Variants in MDGA1 observed in about 807,000 individuals in gnomAD.
MDGA1 encodes the protein MAM domain-containing glycosylphosphatidylinositol anchor protein 1.
Under a neutral mutation model 101.5 loss-of-function variants are expected in MDGA1, and 54 were observed. The observed-to-expected ratio is 0.53, with a 90% CI of 0.43 to 0.67. The LOEUF (loss-of-function observed/expected upper bound fraction) is 0.67, where lower values mean the gene tolerates loss of function less well. Ranked by LOEUF, MDGA1 falls within the 30% of genes least tolerant of loss-of-function variation. The pLI is 0.00. For synonymous variants in MDGA1, 533 were observed against 558.3 expected (o/e 0.95, Z 0.64); for missense variants, 1,083 against 1,323.8 (o/e 0.82, Z 2.82).
intron 1 of MDGA1, among the ~76,000 whole-genome samples, chr6:37,670,219 G>T (rs1185473897): frequency 1.3e-5 from 2 of 152,212 alleles, no homozygotes; most frequent in Non-Finnish European, 2.9e-5. Flanking sequence ...AATAGTATGT[G>T]CTGTCTCCAT....
rs140407775 is a variant in MDGA1 at position 37,661,813 on chromosome 6, A to G, written c.207+2154T>C. Among the ~76,000 whole-genome samples the G allele has an allele frequency of 2.6e-3, 401 of 152,208 alleles. 5 individuals are homozygous for G. The highest frequency in any genetic ancestry group is 5.1e-4 in the Non-Finnish European group (35 of 67,994). On this transcript the variant is annotated intron_variant, in intron 2 of 16. Transcript: ENST00000434837. The stretch of plus-strand genomic sequence containing the variant: ...GAACATCTCTGAGCAGGGGAGTGAT[A>G]TGATGTAGCACAACAGGGGTTATCA...
chr6:37,681,036 A>T (rs9394450), intron 1 of MDGA1, among the ~76,000 whole-genome samples: 1 of 151,370 alleles, frequency 6.6e-6, no homozygotes, highest in African/African-American at 2.4e-5. Flanking sequence ...CCAGCTGCCA[A>T]CCCGGCTGGC....
intron 1 of MDGA1, among the ~76,000 whole-genome samples, chr6:37,687,638 T>G (rs537026940): frequency 1.3e-5 from 2 of 152,244 alleles, no homozygotes; most frequent in Admixed American, 1.3e-4. Flanking sequence ...TTTCACTTTC[T>G]TTGGTTTTTT....
At chr6:37,651,327 C>T (rs544134745) in intron 7 of MDGA1, among the ~76,000 whole-genome samples, 3 of 152,206 alleles carry the variant, frequency 2.0e-5, no homozygotes, top group Non-Finnish European at 4.4e-5. Flanking sequence ...TCCCATTGCA[C>T]ATTACATCAA....
intron 1 of MDGA1, among the ~76,000 whole-genome samples, chr6:37,665,393 G>A (rs1348903988): frequency 6.6e-6 from 1 of 152,138 alleles, no homozygotes; most frequent in Non-Finnish European, 1.5e-5. Flanking sequence ...TAAGAGTGAT[G>A]GAACCGACTC....
intron 1 of MDGA1, among the ~76,000 whole-genome samples, chr6:37,672,853 G>A (rs956041182): frequency 2.6e-5 from 4 of 152,132 alleles, no homozygotes; most frequent in Non-Finnish European, 5.9e-5. Context: ...AGCTGAATAA[G>A]AACGATGCTT....
intron 10 of MDGA1, 72 bp downstream of exon 10, chr6:37,647,101 T>A: frequency 7.1e-7 from 1 of 1,409,060 alleles, no homozygotes; most frequent in African/African-American, 1.4e-5. Flanking sequence ...TCCTCTGGCC[T>A]TGATGAGCAT....
chr6:37,656,377 CTTT>C (rs11396920), intron 3 of MDGA1, among the ~76,000 whole-genome samples: 1 of 142,772 alleles, frequency 7.0e-6, no homozygotes. Flanking sequence ...CGCCCGGACT[CTTT>C]TTTTTTTTTT....
chr6:37,660,681 T>A (rs1292093084), intron 2 of MDGA1, among the ~76,000 whole-genome samples: 2 of 152,232 alleles, frequency 1.3e-5, no homozygotes, highest in African/African-American at 2.4e-5. Flanking sequence ...TTAATTTTTT[T>A]AAATTTTGAA....
rs1372094660 is a variant in MDGA1 at position 37,697,435 on chromosome 6, G to A, written c.-624C>T. 1.3e-5 allele frequency: 2 copies of A among 152,082 alleles called. No homozygotes were observed. Among genetic ancestry groups the A allele is most frequent in the African/African-American group, 2.4e-5 (1 of 41,418 alleles). 9.4% of individuals were successfully genotyped at this position (152,082 alleles called of 1,614,324 possible). On this transcript the variant is annotated 5_prime_UTR_variant, in exon 1 of 17. Transcript: ENST00000434837. ...CGCGGGCTGGGTTCGGCCGAGGGAC[G>A]AGCGCCGCGGGTCCCCGGGTCCGTG...
chr6:37,672,430 C>A (rs1171582307), intron 1 of MDGA1, among the ~76,000 whole-genome samples: 1 of 152,174 alleles, frequency 6.6e-6, no homozygotes, highest in Admixed American at 6.5e-5. Context: ...CAGAGCAAGA[C>A]CCCTATCAAA....
chr6:37,675,809 G>A (rs2114079112), intron 1 of MDGA1, among the ~76,000 whole-genome samples: 1 of 152,276 alleles, frequency 6.6e-6, no homozygotes, highest in Middle Eastern at 3.4e-3. Context: ...ACCAAGCTCT[G>A]CTGGTCTTGG....
At chr6:37,677,656 T>C (rs989402567) in intron 1 of MDGA1, among the ~76,000 whole-genome samples, 1 of 149,174 alleles carries the variant, frequency 6.7e-6, no homozygotes, top group African/African-American at 2.5e-5. Flanking sequence ...ATGGTTAATG[T>C]TTGATGGTCA....
Position 37,697,027 on chromosome 6 carries a change from G to C in MDGA1, c.-216C>G, listed in dbSNP as rs1375126718. 5.7e-6 allele frequency: 3 copies of C among 525,534 alleles called. No individual in the cohort carries two copies. Among genetic ancestry groups the C allele is most frequent in the Non-Finnish European group, 1.0e-5 (3 of 298,484 alleles). 32.6% of individuals were successfully genotyped at this position (525,534 alleles called of 1,614,324 possible). A position where few individuals can be genotyped will look rare whatever the true frequency, so the allele number is the denominator to read the frequency against. Reference sequence around the variant, plus strand: ...CGCTGCCCGCGTGGGGACGCAGGGGGCGCTGGCCCAGCCCCGGGTGCCTCG... The same window carrying C: ...CGCTGCCCGCGTGGGGACGCAGGGGCCGCTGGCCCAGCCCCGGGTGCCTCG... On this transcript the variant is annotated 5_prime_UTR_variant, in exon 1 of 17. Coordinates refer to ENST00000434837, the MANE Select transcript of MDGA1 (RefSeq NM_153487.4).
At chr6:37,647,424 C>A in intron 9 of MDGA1, 100 bp from the exon 10 acceptor site, 1 of 700,618 alleles carries the variant, frequency 1.4e-6, no homozygotes, top group Non-Finnish European at 2.3e-6. Flanking sequence ...AGGTGGAAAA[C>A]AGAGAGGGGA....
intron 1 of MDGA1, among the ~76,000 whole-genome samples, chr6:37,676,655 T>C (rs1346415142): frequency 9.9e-6 from 1 of 100,508 alleles, no homozygotes; most frequent in Non-Finnish European, 1.8e-5. Context: ...TCCCAGCACT[T>C]TGGGAGGCAA....
chr6:37,688,897 A>C (rs17578333), intron 1 of MDGA1, among the ~76,000 whole-genome samples: 6,994 of 152,238 alleles, frequency 0.046, 238 homozygotes, highest in Middle Eastern at 0.13. Flanking sequence ...CAGACTTCTT[A>C]CTTGAAGCCC....
At chr6:37,675,508 C>A (rs912158935) in intron 1 of MDGA1, among the ~76,000 whole-genome samples, 2 of 152,034 alleles carry the variant, frequency 1.3e-5, no homozygotes, top group African/African-American at 2.4e-5. Context: ...AATGTGAAAC[C>A]GAATGAGGTC....
rs1405700778 is a variant in MDGA1, at chr6:37,655,331, A to T, written c.579+369T>A. On this transcript the variant is annotated intron_variant, in intron 4 of 16. Coordinates refer to ENST00000434837, the MANE Select transcript of MDGA1 (RefSeq NM_153487.4). This position sits in a 1 kb window ranked among gnomAD's most constrained non-coding sequence, Gnocchi z 5.1. ...ATCACCACCATCTCCTGGGACTATC[A>T]GGGCCCATGGGAAGAGGAGTCATCT... 5 of 329,790 alleles carry T rather than the reference A, an allele frequency of 1.5e-5. No homozygotes were observed. The East Asian group carries it at 3.2e-4, about 21-fold the overall frequency. 20.4% of individuals were successfully genotyped at this position (329,790 alleles called of 1,614,324 possible).
Sources: allele counts gnomAD v4.1 joint callset (sites outside exome capture counted in the v4.1 genomes callset), GRCh38; gene constraint gnomAD v4.1.1; non-coding constraint Gnocchi (gnomAD v3.1); transcripts MANE v1.5; gene names NCBI Gene and HGNC (gene_info 2026-07-23, HGNC 2026-07-21).